The following MAML3 variants were observed in gnomAD, a reference collection of about 807,000 sequenced individuals.
MAML3 encodes mastermind like transcriptional coactivator 3, also known as mastermind-like protein 3.
In MAML3, 27 loss-of-function variants were observed where a neutral mutation model predicts 101.9. The observed-to-expected ratio is 0.27, with a 90% CI of 0.20 to 0.37. The LOEUF (loss-of-function observed/expected upper bound fraction) is 0.37, where lower values mean the gene tolerates loss of function less well. MAML3 is among the 10% of genes least tolerant of loss of function. The pLI is 1.00. For missense variants in MAML3, 1,316 were observed against 1,444.9 expected (o/e 0.91, Z 1.45); for synonymous variants, 501 against 555.9 (o/e 0.90, Z 1.39).
intron 2 of MAML3, among the ~76,000 whole-genome samples, chr4:139,847,255 G>T (rs111979052): frequency 0.016 from 2,366 of 152,146 alleles, 29 homozygotes; most frequent in Non-Finnish European, 0.024. Flanking sequence ...TTTCTTCTGG[G>T]TTAGCCTAGA....
chr4:139,775,411 G>A (rs773809929), intron 2 of MAML3, among the ~76,000 whole-genome samples: 3 of 152,146 alleles, frequency 2.0e-5, no homozygotes, highest in Non-Finnish European at 4.4e-5. Flanking sequence ...GAGTGACTGG[G>A]AGCTGCTGGG....
intron 1 of MAML3, among the ~76,000 whole-genome samples, chr4:140,102,723 G>A (rs904566385): frequency 1.3e-4 from 20 of 151,946 alleles, no homozygotes; most frequent in African/African-American, 4.8e-4. Flanking sequence ...GCCAGTCAGT[G>A]CAGAGCCAGG....
Position 140,105,658 on chromosome 4 carries a change from T to C in MAML3, c.468+47202A>G, listed in dbSNP as rs558050087. Among the ~76,000 whole-genome samples, 6 of 152,338 alleles carry C rather than the reference T, an allele frequency of 3.9e-5. No individual in the cohort carries two copies. The South Asian group carries it at 1.0e-3, about 26-fold the overall frequency. On this transcript the variant is annotated intron_variant, in intron 1 of 4. Coordinates refer to ENST00000509479, the MANE Select transcript of MAML3 (RefSeq NM_018717.5). ...TATAACAAACAGCTGCCTGTTTAAA[T>C]AGTTTCACTGAGAAATTAATAAGTG...
At position 139,989,887 on chromosome 4, in the gene MAML3, A is replaced by C. The variant is rs867714259; in HGVS notation, c.469-98920T>G. 2.0e-4 allele frequency among the ~76,000 whole-genome samples: 8 copies of C among 39,744 alleles called. No individual in the cohort carries two copies. In the South Asian group the frequency reaches 4.0e-3, roughly 20 times the overall value. The allele number at this position is 39,744 out of a possible 152,430, so 26.1% of individuals were successfully genotyped here. The stretch of plus-strand genomic sequence containing the variant: ...CACACACACACACACACACACAGAG[A>C]GAGAGAGAGAGAGAAAGAGAGAGAG... On this transcript the variant is annotated intron_variant, in intron 1 of 4. Transcript: ENST00000509479.
chr4:139,846,277 G>A (rs554818557), intron 2 of MAML3, among the ~76,000 whole-genome samples: 13 of 152,222 alleles, frequency 8.5e-5, no homozygotes, highest in African/African-American at 2.9e-4. Context: ...GTAAGAGGAA[G>A]AGTTTAAGAA....
intron 1 of MAML3, among the ~76,000 whole-genome samples, chr4:140,060,382 A>AAAAAAAAAAAAAAAAT (rs1560880625): frequency 6.7e-6 from 1 of 148,552 alleles, no homozygotes; most frequent in Admixed American, 6.7e-5. Context: ...AAAAAAAAAA[A>AAAAAAAAAAAAAAAAT]AAAGTCACAA....
intron 1 of MAML3, among the ~76,000 whole-genome samples, chr4:140,039,678 C>A (rs529160859): frequency 6.6e-6 from 1 of 152,168 alleles, no homozygotes; most frequent in Admixed American, 6.5e-5. Flanking sequence ...GCAATGCTGT[C>A]TGAATGCAGG....
chr4:139,837,314 G>A (rs111440858), intron 2 of MAML3, among the ~76,000 whole-genome samples: 4,146 of 151,666 alleles, frequency 0.027, 79 homozygotes, highest in Non-Finnish European at 0.041. Flanking sequence ...GGCTAACACG[G>A]TGAAACCCTG....
chr4:139,801,682 CTG>C (rs1730612272), intron 2 of MAML3, among the ~76,000 whole-genome samples: 1 of 86,360 alleles, frequency 1.2e-5, no homozygotes, highest in East Asian at 3.2e-4. Context: ...GTGTGTGTGT[CTG>C]TGTGTGTGTG....
At chr4:139,758,899 C>A (rs1375307504) in intron 2 of MAML3, among the ~76,000 whole-genome samples, 1 of 152,232 alleles carries the variant, frequency 6.6e-6, no homozygotes, top group African/African-American at 2.4e-5. Flanking sequence ...CAGAGAACCA[C>A]TGAGCTGGAA....
rs768534510 is a variant in MAML3 at position 139,889,914 on chromosome 4, GC to G, written c.1521del (p.Gln507HisfsTer15). 1.6e-5 allele frequency: 5 copies of G among 307,768 alleles called. No individual in the cohort carries two copies. Among genetic ancestry groups the G allele is most frequent in the African/African-American group, 9.7e-5 (1 of 10,266 alleles). 19.1% of individuals were successfully genotyped at this position (307,768 alleles called of 1,614,324 possible). On this transcript the variant is annotated frameshift_variant, in exon 2 of 5. Coordinates refer to ENST00000509479, the MANE Select transcript of MAML3 (RefSeq NM_018717.5). LOFTEE classifies it high-confidence loss of function. ...GAAGTCTGATTTGAGTGCTGTTGCT[GC>G]TGCTGCTGCTGCTGCTGCTGCTGCT... The part of the protein sequence containing the change: ...QQQQQQQQQQ[Q>X]QQQHSNQTSN...
intron 1 of MAML3, among the ~76,000 whole-genome samples, chr4:140,092,520 T>A (rs530758514): frequency 3.3e-5 from 5 of 152,072 alleles, no homozygotes; most frequent in Non-Finnish European, 7.4e-5. Context: ...CCGCTCCTGA[T>A]CCCGGAGGCT....
rs1182245608 is a variant in MAML3, at chr4:139,730,409, A to G, written c.2331+7T>C. 6.5e-7 allele frequency: 1 copy of G among 1,546,018 alleles called. No homozygotes were observed. The highest frequency in any genetic ancestry group is 8.7e-7 in the Non-Finnish European group (1 of 1,146,056). On this transcript the variant is annotated splice_region_variant and intron_variant, in intron 3 of 4. Transcript: ENST00000509479. ...GAATGAATGAATCACGCCAAGGGGC[A>G]TGTTACCTGTTCCGCCAAAATCTGC...
chr4:139,961,624 C>A (rs556677505), intron 1 of MAML3, among the ~76,000 whole-genome samples: 1 of 152,216 alleles, frequency 6.6e-6, no homozygotes, highest in African/African-American at 2.4e-5. Context: ...AAGTAGAATA[C>A]AATAAAATGT....
chr4:140,115,910 A>C (rs1273274026), intron 1 of MAML3, among the ~76,000 whole-genome samples: 1 of 152,238 alleles, frequency 6.6e-6, no homozygotes, highest in Non-Finnish European at 1.5e-5. Context: ...CTATTTAAAT[A>C]TAGAAAATAT....
intron 2 of MAML3, among the ~76,000 whole-genome samples, chr4:139,878,248 G>A (rs1262742805): frequency 3.3e-5 from 5 of 152,126 alleles, no homozygotes; most frequent in Non-Finnish European, 5.9e-5. Context: ...CTATCTCGAA[G>A]CTCAGTTGCC....
chr4:140,059,591 A>G (rs962442166), intron 1 of MAML3, among the ~76,000 whole-genome samples: 1 of 152,226 alleles, frequency 6.6e-6, no homozygotes, highest in Admixed American at 6.5e-5. Flanking sequence ...AGAAATGCAT[A>G]AAGAAATGGC....
At chr4:140,149,925 G>A (rs1729126530) in intron 1 of MAML3, among the ~76,000 whole-genome samples, 1 of 142,662 alleles carries the variant, frequency 7.0e-6, no homozygotes, top group Admixed American at 7.6e-5. Flanking sequence ...ATAACTTGTA[G>A]AGCATGTTTC....
chr4:139,943,449 G>A (rs149638748), intron 1 of MAML3, among the ~76,000 whole-genome samples: 1 of 152,196 alleles, frequency 6.6e-6, no homozygotes, highest in East Asian at 1.9e-4. Flanking sequence ...AGAATAAGAA[G>A]CCCATGTAAT....
Sources: gnomAD v4.1 joint callset for allele counts (sites outside exome capture counted in the v4.1 genomes callset) on GRCh38, gnomAD v4.1.1 for gene constraint, MANE v1.5 for transcripts, NCBI Gene and HGNC (gene_info 2026-07-23, HGNC 2026-07-21) for gene names.